The following CSMD3 variants were observed in gnomAD, a reference collection of about 807,000 sequenced individuals.
CSMD3 encodes the protein CUB and sushi domain-containing protein 3.
Under a neutral mutation model 435.2 loss-of-function variants are expected in CSMD3, and 177 were observed. The observed-to-expected ratio is 0.41, with a 90% CI of 0.36 to 0.46. The LOEUF (loss-of-function observed/expected upper bound fraction) is 0.46. CSMD3 is among the 20% of genes least tolerant of loss of function. The pLI is 0.34. For missense variants in CSMD3, 4,265 were observed against 4,504.6 expected, an observed-to-expected ratio of 0.95 and a Z score of 1.52; for synonymous variants, 1,656 against 1,520.5, an observed-to-expected ratio of 1.09 and a Z score of -2.07.
chr8:112,818,462 A>G (rs1025736024), intron 12 of CSMD3, among the ~76,000 whole-genome samples: 2 of 152,190 alleles, frequency 1.3e-5, no homozygotes, highest in South Asian at 4.1e-4. Context: ...CTAGCACATG[A>G]ATTAAACTTA....
intron 3 of CSMD3, among the ~76,000 whole-genome samples, chr8:113,245,107 T>C (rs553863352): frequency 1.7e-4 from 26 of 152,280 alleles, no homozygotes; most frequent in African/African-American, 6.3e-4. Flanking sequence ...CTTGTTACTG[T>C]TGGCATGGCA....
At position 112,645,161 on chromosome 8, in the gene CSMD3, A is replaced by C. The variant is rs1430069783; in HGVS notation, c.3258T>G (p.Phe1086Leu). ...ATGTACAATTCAGAGAATTTGGATA[A>C]AATTCCGGGTAACCAGGTGATAAGA... ...GTILSPGYPE[F>L]YPNSLNCTWT... The change falls in exon 20 of 71, where the codon TTT (phenylalanine) becomes TTG (leucine). Residue 1086 changes from phenylalanine (F) to leucine (L), a missense_variant. By Grantham distance (22) the Phe-to-Leu change is conservative (BLOSUM62 0). This residue lies in a region of CSMD3 where 3,255 missense variants were observed against 3,380.2 expected (regional missense o/e 0.96). Coordinates refer to ENST00000297405, the MANE Select transcript of CSMD3 (RefSeq NM_198123.2). 15 of 1,609,908 alleles carry C rather than the reference A, an allele frequency of 9.3e-6. No individual in the cohort carries two copies. The highest frequency in any genetic ancestry group is 1.3e-5 in the Non-Finnish European group (15 of 1,176,290).
intron 32 of CSMD3, among the ~76,000 whole-genome samples, chr8:112,432,909 GAA>G (rs11300101): frequency 0.026 from 3,833 of 145,550 alleles, 192 homozygotes; most frequent in African/African-American, 0.09. Flanking sequence ...GGCTCCACTG[GAA>G]AAAAAAAAAA....
At chr8:112,517,252 A>C in intron 27 of CSMD3, 27 bp from the exon 28 acceptor site, 2 of 1,573,704 alleles carry the variant, frequency 1.3e-6, no homozygotes, top group Middle Eastern at 1.8e-4. Context: ...ACAAAATTTT[A>C]GTTTTGATAA....
intron 10 of CSMD3, among the ~76,000 whole-genome samples, chr8:112,860,782 T>C (rs973006470): frequency 1.3e-5 from 2 of 151,872 alleles, no homozygotes; most frequent in African/African-American, 4.8e-5. Context: ...TGCTCTACCA[T>C]ATTATTTGTT....
intron 18 of CSMD3, among the ~76,000 whole-genome samples, chr8:112,651,659 T>TCCC (rs940921655): frequency 6.6e-6 from 1 of 151,890 alleles, no homozygotes; most frequent in African/African-American, 2.4e-5. Context: ...TGCCTCAGCC[T>TCCC]CCCGAGTAGC....
intron 1 of CSMD3, among the ~76,000 whole-genome samples, chr8:113,426,297 A>G (rs1260053232): frequency 1.3e-5 from 2 of 151,452 alleles, no homozygotes; most frequent in Non-Finnish European, 3.0e-5. Context: ...TGAAAACTAA[A>G]TCACTTCTAA....
intron 13 of CSMD3, among the ~76,000 whole-genome samples, chr8:112,790,382 A>G (rs985177676): frequency 1.3e-5 from 2 of 152,038 alleles, no homozygotes. Context: ...AAAAAATCAT[A>G]TATATGGAGA....
chr8:112,261,393 C>T (rs1211618612), intron 61 of CSMD3, among the ~76,000 whole-genome samples: 2 of 152,042 alleles, frequency 1.3e-5, no homozygotes, highest in Non-Finnish European at 2.9e-5. Flanking sequence ...AATACTGTTG[C>T]AAATCTTTGT....
At chr8:113,365,659 CA>C (rs1046082707) in intron 1 of CSMD3, among the ~76,000 whole-genome samples, 1 of 151,948 alleles carries the variant, frequency 6.6e-6, no homozygotes, top group African/African-American at 2.4e-5. Flanking sequence ...GATGATGTTA[CA>C]AGATAAATGA....
chr8:113,394,215 T>C (rs2094473527), intron 1 of CSMD3, among the ~76,000 whole-genome samples: 1 of 150,980 alleles, frequency 6.6e-6, no homozygotes, highest in Admixed American at 6.6e-5. Context: ...GTAAACATAC[T>C]TGGGAAATTC....
intron 32 of CSMD3, among the ~76,000 whole-genome samples, chr8:112,432,139 A>G (rs1253001903): frequency 6.6e-6 from 1 of 152,150 alleles, no homozygotes; most frequent in Non-Finnish European, 1.5e-5. Flanking sequence ...AACAACCCAA[A>G]GCAAGGCAGA....
chr8:112,743,041 G>A (rs2077346221), intron 13 of CSMD3, among the ~76,000 whole-genome samples: 1 of 152,004 alleles, frequency 6.6e-6, no homozygotes, highest in Admixed American at 6.6e-5. Flanking sequence ...CATGCAGCTG[G>A]TGTCTGGGAG....
chr8:112,839,206 G>A (rs912333292), intron 11 of CSMD3, among the ~76,000 whole-genome samples: 2 of 151,602 alleles, frequency 1.3e-5, no homozygotes, highest in African/African-American at 4.8e-5. Context: ...GAGAGTCTGG[G>A]GACACTGAGA....
intron 50 of CSMD3, chr8:112,310,415 G>T: frequency 6.5e-6 from 1 of 153,974 alleles, no homozygotes; most frequent in Non-Finnish European, 1.4e-5. Context: ...TATTCTTTTT[G>T]CAGCATGATA....
At chr8:112,635,907 G>T (rs1017044261) in intron 22 of CSMD3, among the ~76,000 whole-genome samples, 4 of 152,072 alleles carry the variant, frequency 2.6e-5, no homozygotes, top group African/African-American at 9.7e-5. Flanking sequence ...TCCTGATTTT[G>T]TAGCATATTA....
At chr8:113,239,498 T>TTATCTATC (rs113240412) in intron 3 of CSMD3, among the ~76,000 whole-genome samples, 35,265 of 148,936 alleles carry the variant, frequency 0.24, 4,591 homozygotes, top group African/African-American at 0.36. Flanking sequence ...GTATGTAGTT[T>TTATCTATC]TATCTATCTA....
At chr8:113,365,683 G>A (rs1350920353) in intron 1 of CSMD3, among the ~76,000 whole-genome samples, 4 of 151,990 alleles carry the variant, frequency 2.6e-5, no homozygotes, top group Non-Finnish European at 4.4e-5. Context: ...TTCACTGCCA[G>A]CAAACAAAAA....
intron 9 of CSMD3, among the ~76,000 whole-genome samples, chr8:112,929,980 A>T (rs2083054085): frequency 6.6e-6 from 1 of 152,166 alleles, no homozygotes; most frequent in African/African-American, 2.4e-5. Flanking sequence ...ATCATAGGAA[A>T]GAAAGTGGTT....
Sources: gnomAD v4.1 joint callset for allele counts (sites outside exome capture counted in the v4.1 genomes callset) on GRCh38, gnomAD v4.1.1 for gene constraint, gnomAD v4.1.1 regional missense constraint, MANE v1.5 for transcripts, NCBI Gene and HGNC (gene_info 2026-07-23, HGNC 2026-07-21) for gene names.